Variants in GRM7 observed in about 807,000 individuals in gnomAD.
The protein encoded by GRM7 is metabotropic glutamate receptor 7.
GRM7 carries 35 observed loss-of-function variants against 84.5 expected under a neutral mutation model. The observed-to-expected ratio is 0.41, with a 90% confidence interval of 0.32 to 0.55. GRM7 has a LOEUF of 0.55. GRM7 is among the 20% of genes least tolerant of loss of function. The pLI, the probability that GRM7 is intolerant of heterozygous loss-of-function variation, is 0.19. For synonymous variants in GRM7, 487 were observed against 455.1 expected (o/e 1.07, Z -0.89); for missense variants, 1,003 against 1,194.6 (o/e 0.84, Z 2.36).
At chr3:7,550,254 C>T (rs1235213089) in intron 7 of GRM7, among the ~76,000 whole-genome samples, 2 of 151,436 alleles carry the variant, frequency 1.3e-5, no homozygotes, top group East Asian at 3.9e-4. Flanking sequence ...TTTCTCTCCT[C>T]CTCCTCCTCT....
chr3:7,546,295 T>G (rs759778271), intron 7 of GRM7, among the ~76,000 whole-genome samples: 1 of 152,212 alleles, frequency 6.6e-6, no homozygotes, highest in Admixed American at 6.5e-5. Context: ...CTTCATTGCA[T>G]AGCCATCCAT....
At chr3:7,029,420 T>G (rs573780740) in intron 1 of GRM7, among the ~76,000 whole-genome samples, 1 of 151,626 alleles carries the variant, frequency 6.6e-6, no homozygotes, top group South Asian at 2.1e-4. Flanking sequence ...TGTACACCAG[T>G]GTTGATGGCA....
chr3:7,391,785 G>T (rs527261264), intron 4 of GRM7, among the ~76,000 whole-genome samples: 2 of 152,068 alleles, frequency 1.3e-5, no homozygotes, highest in South Asian at 4.2e-4. Context: ...AGAGCTGGCA[G>T]GTAGAGGTCA....
At chr3:7,461,020 C>CT (rs1319975941) in intron 6 of GRM7, among the ~76,000 whole-genome samples, 2 of 152,100 alleles carry the variant, frequency 1.3e-5, no homozygotes, top group African/African-American at 4.8e-5. Context: ...AAATACACTG[C>CT]TAAACCTTTT....
intron 7 of GRM7, among the ~76,000 whole-genome samples, chr3:7,487,699 C>A (rs1485839317): frequency 6.6e-6 from 1 of 152,212 alleles, no homozygotes; most frequent in African/African-American, 2.4e-5. Context: ...CATAGCACTT[C>A]TGTCCAAATT....
rs71066011 is a variant in GRM7 at position 7,435,679 on chromosome 3, GTTT to G, written c.1175-16904_1175-16902del. On this transcript the variant is annotated intron_variant, in intron 5 of 9. Coordinates refer to ENST00000357716, the MANE Select transcript of GRM7 (RefSeq NM_000844.4). ...AGGCCCTTGCCACCACATCCGGCTA[GTTT>G]TTTTTTTTTTTTTTTTTTTTTTTGA... 3.3e-4 allele frequency among the ~76,000 whole-genome samples: 29 copies of G among 88,544 alleles called. 1 individual carries two copies. The highest frequency in any genetic ancestry group is 7.9e-3 in the Middle Eastern group (1 of 126). The allele number at this position is 88,544 out of a possible 152,430, so 58.1% of individuals were successfully genotyped here.
intron 8 of GRM7, among the ~76,000 whole-genome samples, chr3:7,615,465 G>T (rs961539464): frequency 6.6e-6 from 1 of 151,962 alleles, no homozygotes; most frequent in Admixed American, 6.6e-5. Context: ...TTCTAAATTT[G>T]TTGCCGTTTC....
intron 7 of GRM7, among the ~76,000 whole-genome samples, chr3:7,563,074 C>G (rs745675970): frequency 4.6e-5 from 7 of 152,044 alleles, no homozygotes; most frequent in Non-Finnish European, 8.8e-5. Context: ...CTCCATTTAC[C>G]TGGCAGAGAG....
chr3:6,876,290 G>C (rs923008065), intron 1 of GRM7, among the ~76,000 whole-genome samples: 19 of 151,922 alleles, frequency 1.3e-4, no homozygotes, highest in Non-Finnish European at 2.8e-4. Flanking sequence ...AATTATTATG[G>C]CATGAATCAA....
chr3:7,063,160 G>C (rs557443803), intron 1 of GRM7, among the ~76,000 whole-genome samples: 1 of 151,772 alleles, frequency 6.6e-6, no homozygotes, highest in East Asian at 1.9e-4. Context: ...CTGATGCATG[G>C]GTATGGGTCT....
intron 2 of GRM7, among the ~76,000 whole-genome samples, chr3:7,154,019 A>G (rs972688242): frequency 3.3e-5 from 5 of 152,216 alleles, no homozygotes; most frequent in African/African-American, 7.2e-5. Context: ...AAGCATGTTA[A>G]AAGTCCAAAA....
chr3:7,269,824 C>T (rs944515364), intron 2 of GRM7, among the ~76,000 whole-genome samples: 22 of 152,178 alleles, frequency 1.4e-4, no homozygotes, highest in African/African-American at 5.1e-4. Context: ...CACTCTTTGA[C>T]TCTGAGGGCT....
chr3:7,362,189 C>T (rs931155354), intron 4 of GRM7, among the ~76,000 whole-genome samples: 10 of 151,922 alleles, frequency 6.6e-5, no homozygotes, highest in African/African-American at 2.2e-4. Flanking sequence ...TTTGTAACAG[C>T]GTAATTAATG....
At chr3:7,547,090 A>C (rs1693188937) in intron 7 of GRM7, among the ~76,000 whole-genome samples, 1 of 152,014 alleles carries the variant, frequency 6.6e-6, no homozygotes, top group Non-Finnish European at 1.5e-5. Context: ...CTCCATGAAA[A>C]TTCAATTAAT....
intron 1 of GRM7, among the ~76,000 whole-genome samples, chr3:7,100,115 C>T (rs966671170): frequency 6.0e-5 from 9 of 151,138 alleles, no homozygotes; most frequent in Non-Finnish European, 1.2e-4. Context: ...CTTAAATCTT[C>T]GAAGTAGATT....
chr3:6,926,930 A>G (rs1697319011), intron 1 of GRM7, among the ~76,000 whole-genome samples: 1 of 152,166 alleles, frequency 6.6e-6, no homozygotes, highest in African/African-American at 2.4e-5. Flanking sequence ...ACTGGATGTA[A>G]ATCATTGAGC....
chr3:7,208,720 T>C (rs1696322131), intron 2 of GRM7, among the ~76,000 whole-genome samples: 1 of 152,180 alleles, frequency 6.6e-6, no homozygotes, highest in Non-Finnish European at 1.5e-5. Flanking sequence ...ATAAAACACA[T>C]TCTTTCATTT....
At chr3:6,952,677 A>G (rs62235447) in intron 1 of GRM7, among the ~76,000 whole-genome samples, 11,065 of 152,126 alleles carry the variant, frequency 0.073, 556 homozygotes, top group Non-Finnish European at 0.11. Flanking sequence ...TTTCTTAAAA[A>G]TTTGTTTCAT....
At position 7,424,222 on chromosome 3, in the gene GRM7, C is replaced by T. The variant is rs182141542; in HGVS notation, c.1174+9059C>T. On this transcript the variant is annotated intron_variant, in intron 5 of 9. Transcript: ENST00000357716. The stretch of plus-strand genomic sequence containing the variant: ...CTGGTAGGGATAGAGGGCGCTCAAC[C>T]GGTTTAGGTGCCATTGTTGTGGTTG... Among the ~76,000 whole-genome samples, 8 of 151,842 alleles carry T rather than the reference C, an allele frequency of 5.3e-5. No individual in the cohort carries two copies. The South Asian group carries it at 1.5e-3, about 28-fold the overall frequency.
Sources: allele counts gnomAD v4.1 joint callset (sites outside exome capture counted in the v4.1 genomes callset), GRCh38; gene constraint gnomAD v4.1.1; transcripts MANE v1.5; gene names NCBI Gene and HGNC (gene_info 2026-07-23, HGNC 2026-07-21).